The following CALR variants were observed in gnomAD, a reference collection of about 807,000 sequenced individuals.
CALR encodes the protein calreticulin, also known as CRP55.
Under a neutral mutation model 51.1 loss-of-function variants are expected in CALR, and 15 were observed. The observed-to-expected ratio is 0.29, with a 90% CI of 0.20 to 0.45. CALR has a LOEUF of 0.45. Ranked by LOEUF, CALR falls within the 20% of genes least tolerant of loss-of-function variation. The probability of loss-of-function intolerance (pLI) is 1.00; values close to 1 mark genes in which losing one functional copy is unlikely to be tolerated. For synonymous variants in CALR, 239 were observed against 205.9 expected (o/e 1.16, Z -1.38); for missense variants, 477 against 530.6 (o/e 0.90, Z 0.99).
At position 12,938,672 on chromosome 19, in the gene CALR, G is replaced by A; in HGVS notation, c.-8G>A. On this transcript the variant is annotated 5_prime_UTR_variant, in exon 1 of 9. Coordinates refer to ENST00000316448, the MANE Select transcript of CALR (RefSeq NM_004343.4). Reference sequence around the variant, plus strand: ...AGGGCCCGCGCGTTGCCGCCCCCTCGGCCCGCCATGCTGCTATCCGTGCCG... The same window carrying A: ...AGGGCCCGCGCGTTGCCGCCCCCTCAGCCCGCCATGCTGCTATCCGTGCCG... 6.2e-7 allele frequency: 1 copy of A among 1,606,080 alleles called. No homozygotes were observed. The highest frequency in any genetic ancestry group is 8.5e-7 in the Non-Finnish European group (1 of 1,176,712).
Position 12,940,558 on chromosome 19 carries a change from G to A in CALR, c.720G>A (p.Glu240=). ...CCCCCCAGGACTGGGACAAGCCCGA[G>A]CATATCCCTGACCCTGATGCTAAGA... ...DSKPEDWDKP[E]HIPDPDAKKP... is the part of the protein sequence containing the mutation. The change falls in exon 6 of 9, where the codon GAG becomes GAA. Residue 240 remains glutamate, a synonymous_variant. Coordinates refer to ENST00000316448, the MANE Select transcript of CALR (RefSeq NM_004343.4). The A allele has an allele frequency of 1.9e-6, 3 of 1,614,160 alleles. No homozygotes were observed. The highest frequency in any genetic ancestry group is 2.5e-6 in the Non-Finnish European group (3 of 1,180,032).
Position 12,939,576 on chromosome 19 carries a change from T to C in CALR, c.342T>C (p.Pro114=). 6.2e-7 allele frequency: 1 copy of C among 1,614,140 alleles called. No homozygotes were observed. The highest frequency in any genetic ancestry group is 8.5e-7 in the Non-Finnish European group (1 of 1,180,026). The change falls in exon 3 of 9, where the codon CCT becomes CCC. Residue 114 remains proline (P), a synonymous_variant. Transcript: ENST00000316448. ...GGGGCGGCTATGTGAAGCTGTTTCC[T>C]AATAGTTTGGACCAGACAGACATGC... ...DCGGGYVKLF[P]NSLDQTDMHG...
chr19:12,940,555 C>A lies in CALR; in HGVS notation c.717C>A (p.Pro239=), dbSNP rs765487817. Residue 239 remains proline (P), a synonymous_variant, in exon 6 of 9, where the codon CCC becomes CCA. Coordinates refer to ENST00000316448, the MANE Select transcript of CALR (RefSeq NM_004343.4). The part of the protein sequence containing the change: ...TDSKPEDWDK[P]EHIPDPDAKK... Reference sequence around the variant, plus strand: ...CTACCCCCCAGGACTGGGACAAGCCCGAGCATATCCCTGACCCTGATGCTA... The same window carrying A: ...CTACCCCCCAGGACTGGGACAAGCCAGAGCATATCCCTGACCCTGATGCTA... 1 of 1,614,094 alleles carries A rather than the reference C, an allele frequency of 6.2e-7. No individual in the cohort carries two copies. The highest frequency in any genetic ancestry group is 2.2e-5 in the East Asian group (1 of 44,892).
intron 7 of CALR, among the ~76,000 whole-genome samples, chr19:12,942,437 C>T (rs537053116): frequency 7.3e-5 from 11 of 151,540 alleles, no homozygotes; most frequent in African/African-American, 2.4e-4. Flanking sequence ...CAAGACAGTT[C>T]TGGCATGTAG....
Position 12,939,211 on chromosome 19 carries a change from T to C in CALR, c.169T>C (p.Tyr57His). The change falls in exon 2 of 9, where the codon TAC becomes CAC. Residue 57 changes from tyrosine (Y) to histidine (H), a missense_variant. By Grantham distance (83) the Tyr-to-His change is moderately conservative. Transcript: ENST00000316448. ...GKFVLSSGKF[Y>H]GDEEKDKGLQ... Reference sequence around the variant, plus strand: ...ATTCGTTCTCAGTTCCGGCAAGTTCTACGGTGACGAGGAGAAAGATAAAGG... The same window carrying C: ...ATTCGTTCTCAGTTCCGGCAAGTTCCACGGTGACGAGGAGAAAGATAAAGG... The C allele has an allele frequency of 1.2e-6, 2 of 1,611,230 alleles. No individual in the cohort carries two copies. The highest frequency in any genetic ancestry group is 1.7e-6 in the Non-Finnish European group (2 of 1,178,482).
chr19:12,942,752 G>A (rs1392491148), intron 7 of CALR, among the ~76,000 whole-genome samples: 1 of 151,256 alleles, frequency 6.6e-6, no homozygotes, highest in Non-Finnish European at 1.5e-5. Flanking sequence ...GCGCCACGAC[G>A]CTGGGCTTTT....
At position 12,938,645 on chromosome 19, in the gene CALR, A is replaced by C; in HGVS notation, c.-35A>C. The C allele has an allele frequency of 6.5e-7, 1 of 1,548,774 alleles. No homozygotes were observed. On this transcript the variant is annotated 5_prime_UTR_variant, in exon 1 of 9. Transcript: ENST00000316448. ...AGAGCCGCTGCCGGAGGGTCGTTTT[A>C]AAGGGCCCGCGCGTTGCCGCCCCCT... is the stretch of plus-strand genomic sequence containing the variant.
In CALR at chr19:12,938,788, C is replaced by G; in HGVS notation, c.91+18C>G. The G allele has an allele frequency of 6.3e-7, 1 of 1,578,378 alleles. No homozygotes were observed. Among genetic ancestry groups the G allele is most frequent in the South Asian group, 1.1e-5 (1 of 88,788 alleles). On this transcript the variant is annotated intron_variant, in intron 1 of 8. Coordinates refer to ENST00000316448, the MANE Select transcript of CALR (RefSeq NM_004343.4). Reference sequence around the variant, plus strand: ...GGACGGAGGTAACGCCTGGTCCCGCCTCGAGGCCGCCCCGACGACGCGGCC... The same window carrying G: ...GGACGGAGGTAACGCCTGGTCCCGCGTCGAGGCCGCCCCGACGACGCGGCC...
Position 12,940,766 on chromosome 19 carries a change from T to C in CALR, c.839T>C (p.Ile280Thr), listed in dbSNP as rs1273674394. Reference sequence around the variant, plus strand: ...CAGGGTGAGTGGAAGCCCCGGCAGATCGACAACCCAGATTACAAGGGCACT... The same window carrying C: ...CAGGGTGAGTGGAAGCCCCGGCAGACCGACAACCCAGATTACAAGGGCACT... ...EYKGEWKPRQ[I>T]DNPDYKGTWI... is the part of the protein sequence containing the mutation. Residue 280 changes from isoleucine (I) to threonine (T), a missense_variant, in exon 7 of 9, where the codon ATC becomes ACC. Coordinates refer to ENST00000316448, the MANE Select transcript of CALR (RefSeq NM_004343.4). 6.2e-7 allele frequency: 1 copy of C among 1,614,080 alleles called. No homozygotes were observed. The highest frequency in any genetic ancestry group is 1.3e-5 in the African/African-American group (1 of 75,010).
rs1433719863 is a variant in CALR, at chr19:12,940,764, G to C, written c.837G>C (p.Gln279His). 2.5e-6 allele frequency: 4 copies of C among 1,614,058 alleles called. No homozygotes were observed. The highest frequency in any genetic ancestry group is 1.1e-5 in the South Asian group (1 of 91,092). ...PEYKGEWKPR[Q>H]IDNPDYKGTW... ...TGCAGGGTGAGTGGAAGCCCCGGCA[G>C]ATCGACAACCCAGATTACAAGGGCA... The change falls in exon 7 of 9, where the codon CAG (glutamine) becomes CAC (histidine). Residue 279 changes from glutamine (Q) to histidine (H), a missense_variant. Coordinates refer to ENST00000316448, the MANE Select transcript of CALR (RefSeq NM_004343.4).
intron 1 of CALR, 175 bp downstream of exon 1, chr19:12,938,945 TC>T (rs1971504945): frequency 6.8e-6 from 5 of 734,804 alleles, no homozygotes; most frequent in Non-Finnish European, 1.2e-5. Context: ...CGTAGCGGCC[TC>T]CCGCGGCGGG....
Position 12,943,640 on chromosome 19 carries a change from G to T in CALR, c.1053+11G>T. The T allele has an allele frequency of 6.2e-7, 1 of 1,614,140 alleles. No individual in the cohort carries two copies. The highest frequency in any genetic ancestry group is 8.5e-7 in the Non-Finnish European group (1 of 1,180,016). ...TGGGGCGTAACAAAGGTGAGGCCTG[G>T]TCCTGGTCCTGATGTCGGGGGCGGG... On this transcript the variant is annotated intron_variant, in intron 8 of 8. Coordinates refer to ENST00000316448, the MANE Select transcript of CALR (RefSeq NM_004343.4).
chr19:12,943,616 G>C lies in CALR; in HGVS notation c.1040G>C (p.Trp347Ser). 2 of 1,614,170 alleles carry C rather than the reference G, an allele frequency of 1.2e-6. No homozygotes were observed. The highest frequency in any genetic ancestry group is 1.7e-6 in the Non-Finnish European group (2 of 1,180,040). ...GCTGAGGAGTTTGGCAACGAGACGT[G>C]GGGCGTAACAAAGGTGAGGCCTGGT... ...AYAEEFGNET[W>S]GVTKAAEKQM... is the part of the protein sequence containing the mutation. The change falls in exon 8 of 9, where the codon TGG becomes TCG. Residue 347 changes from tryptophan to serine, a missense_variant. Physicochemically the swap from Trp to Ser is radical, Grantham distance 177 (BLOSUM62 -3). Coordinates refer to ENST00000316448, the MANE Select transcript of CALR (RefSeq NM_004343.4).
chr19:12,944,277 T>G lies in CALR; in HGVS notation c.*364T>G. On this transcript the variant is annotated 3_prime_UTR_variant, in exon 9 of 9. Transcript: ENST00000316448. ...AGGCCTGAGATTTCATCTGCTCTCCTTCCTGGAGCCCAGAGGAGGGCAGCA... is the reference window on the plus strand; with the variant it reads ...AGGCCTGAGATTTCATCTGCTCTCCGTCCTGGAGCCCAGAGGAGGGCAGCA... 2.5e-6 allele frequency: 1 copy of G among 407,448 alleles called. No homozygotes were observed. Among genetic ancestry groups the G allele is most frequent in the Non-Finnish European group, 4.6e-6 (1 of 218,244 alleles). 25.2% of individuals were successfully genotyped at this position (407,448 alleles called of 1,614,324 possible).
At position 12,938,787 on chromosome 19, in the gene CALR, C is replaced by T. The variant is rs1353281355; in HGVS notation, c.91+17C>T. On this transcript the variant is annotated intron_variant, in intron 1 of 8. Transcript: ENST00000316448. ...TGGACGGAGGTAACGCCTGGTCCCG[C>T]CTCGAGGCCGCCCCGACGACGCGGC... The T allele has an allele frequency of 1.3e-6, 2 of 1,583,230 alleles. No homozygotes were observed. Among genetic ancestry groups the T allele is most frequent in the South Asian group, 2.2e-5 (2 of 88,986 alleles).
Position 12,943,537 on chromosome 19 carries a change from G to A in CALR, c.961G>A (p.Val321Ile). ...ACCATCCTTCCCATTCATCCTCCAGGTCAAGTCTGGCACCATCTTTGACAA... is the reference window on the plus strand; with the variant it reads ...ACCATCCTTCCCATTCATCCTCCAGATCAAGTCTGGCACCATCTTTGACAA... ...FGVLGLDLWQ[V>I]KSGTIFDNFL... Residue 321 changes from valine to isoleucine, a missense_variant and splice_region_variant, in exon 8 of 9, where the codon GTC (valine) becomes ATC (isoleucine). Val to Ile is a conservative substitution (Grantham distance 29, BLOSUM62 3). Transcript: ENST00000316448. The A allele has an allele frequency of 6.2e-7, 1 of 1,614,036 alleles. No homozygotes were observed. Among genetic ancestry groups the A allele is most frequent in the Non-Finnish European group, 8.5e-7 (1 of 1,179,920 alleles).
chr19:12,940,691 G>C (rs1174632844), intron 6 of CALR, 37 bp downstream of exon 6: 1 of 1,614,088 alleles, frequency 6.2e-7, no homozygotes, highest in Non-Finnish European at 8.5e-7. Context: ...GGGGCTCACA[G>C]TGGGGAGTGC....
rs901041813 is a variant in CALR, at chr19:12,943,768, A to T, written c.1109A>T (p.Glu370Val). Residue 370 changes from glutamate to valine, a missense_variant, in exon 9 of 9, where the codon GAG becomes GTG. Transcript: ENST00000316448. The stretch of plus-strand genomic sequence containing the variant: ...GACGAGGAGCAGAGGCTTAAGGAGG[A>T]GGAAGAAGACAAGAAACGCAAAGAG... The part of the protein sequence containing the change: ...KQDEEQRLKE[E>V]EEDKKRKEEE... 1.9e-6 allele frequency: 3 copies of T among 1,607,666 alleles called. No individual in the cohort carries two copies. Among genetic ancestry groups the T allele is most frequent in the Non-Finnish European group, 2.5e-6 (3 of 1,176,778 alleles).
chr19:12,943,810 A>T lies in CALR; in HGVS notation c.1151A>T (p.Asp384Val). 2 of 1,585,202 alleles carry T rather than the reference A, an allele frequency of 1.3e-6. No homozygotes were observed. The highest frequency in any genetic ancestry group is 1.7e-6 in the Non-Finnish European group (2 of 1,165,344). The change falls in exon 9 of 9, where the codon GAC becomes GTC. Residue 384 changes from aspartate (D) to valine (V), a missense_variant. Transcript: ENST00000316448. ...KKRKEEEEAE[D>V]KEDDEDKDED... is the part of the protein sequence containing the mutation. The stretch of plus-strand genomic sequence containing the variant: ...CGCAAAGAGGAGGAGGAGGCAGAGG[A>T]CAAGGAGGATGATGAGGACAAAGAT...
Sources: allele counts gnomAD v4.1 joint callset (sites outside exome capture counted in the v4.1 genomes callset), GRCh38; gene constraint gnomAD v4.1.1; transcripts MANE v1.5; gene names NCBI Gene and HGNC (gene_info 2026-07-23, HGNC 2026-07-21).